ATP2A1: variants seen among roughly 807,000 people sequenced by gnomAD.
ATP2A1 encodes the protein ATPase sarcoplasmic/endoplasmic reticulum Ca2+ transporting 1, also known as sarcoplasmic/endoplasmic reticulum calcium ATPase 1.
In ATP2A1, 83 loss-of-function variants were observed where a neutral mutation model predicts 109.5. The observed-to-expected ratio is 0.76, with a 90% CI of 0.63 to 0.91. The LOEUF is 0.91. Among genes scored for constraint, ATP2A1 ranks in the 40% least tolerant of loss-of-function variants. ATP2A1 has a pLI of 0.00. For synonymous variants in ATP2A1, 505 were observed against 537.6 expected, an observed-to-expected ratio of 0.94 and a Z score of 0.84; for missense variants, 1,101 against 1,341.0, an observed-to-expected ratio of 0.82 and a Z score of 2.80.
intron 4 of ATP2A1, 149 bp downstream of exon 4, chr16:28,881,168 G>A: frequency 1.2e-6 from 1 of 829,850 alleles, no homozygotes; most frequent in Non-Finnish European, 2.0e-6. Context: ...TGGAGTGTGG[G>A]GAAGAGGTGG....
At position 28,900,877 on chromosome 16, in the gene ATP2A1, T is replaced by C. The variant is rs1479069735; in HGVS notation, c.2061T>C (p.Ile687=). The change falls in exon 15 of 23, where the codon ATT becomes ATC. Residue 687 remains isoleucine, a synonymous_variant. Transcript: ENST00000395503. ...ARVEPSHKSK[I]VEYLQSYDEI... is the part of the protein sequence containing the mutation. ...TGGAGCCCTCGCACAAGTCCAAGAT[T>C]GTGGAGTACCTGCAGTCCTACGATG... The C allele has an allele frequency of 6.2e-6, 10 of 1,614,138 alleles. No individual in the cohort carries two copies. The highest frequency in any genetic ancestry group is 8.5e-6 in the Non-Finnish European group (10 of 1,180,020).
chr16:28,902,533 C>A lies in ATP2A1; in HGVS notation c.2525-47C>A, dbSNP rs1479121065. ...CATGAGGCCCTCAACCCTCGATGCC[C>A]CCTATCTCCCCAGCCCTGACCCCCG... On this transcript the variant is annotated intron_variant, in intron 17 of 22. Transcript: ENST00000395503. The surrounding 1 kb of genome is among the most constrained non-coding windows in gnomAD (Gnocchi z 4.8). 6.3e-7 allele frequency: 1 copy of A among 1,596,890 alleles called. No homozygotes were observed. Among genetic ancestry groups the A allele is most frequent in the South Asian group, 1.1e-5 (1 of 89,902 alleles).
At chr16:28,879,435 C>G (rs1367670916) in intron 2 of ATP2A1, 66 bp from the exon 3 acceptor site, 13 of 1,446,548 alleles carry the variant, frequency 9.0e-6, no homozygotes, top group Non-Finnish European at 1.3e-5. Context: ...GAGTCCAGGG[C>G]GCTCCATCCC....
chr16:28,884,751 G>A, intron 6 of ATP2A1, 96 bp downstream of exon 6: 1 of 1,219,674 alleles, frequency 8.2e-7, no homozygotes, highest in Non-Finnish European at 1.1e-6. Flanking sequence ...AACCCTCACT[G>A]TCTGAGCAAC....
intron 2 of ATP2A1, 91 bp downstream of exon 2, chr16:28,879,207 GAGCAAATATCCCTTCCCAAA>G: frequency 7.2e-7 from 1 of 1,393,182 alleles, no homozygotes; most frequent in Non-Finnish European, 9.9e-7. Context: ...TAGATTCTTT[GAGCAAATATCCCTTCCCAAA>G]AGGCAAATCT....
Position 28,898,241 on chromosome 16 carries a change from T to C in ATP2A1, c.1554T>C (p.Pro518=). The change falls in exon 14 of 23, where the codon CCT becomes CCC. Residue 518 remains proline, a synonymous_variant. Transcript: ENST00000395503. The surrounding 1 kb of genome is among the most constrained non-coding windows in gnomAD (Gnocchi z 4.0). ...VGNKMFVKGA[P]EGVIDRCNYV... The stretch of plus-strand genomic sequence containing the variant: ...CTGTTCTGGTCTCCTAGGGTGCCCC[T>C]GAGGGCGTCATCGACCGCTGTAACT... The C allele has an allele frequency of 6.2e-7, 1 of 1,614,186 alleles. No homozygotes were observed. Among genetic ancestry groups the C allele is most frequent in the Non-Finnish European group, 8.5e-7 (1 of 1,180,024 alleles).
Position 28,885,477 on chromosome 16 carries a change from G to A in ATP2A1, c.544+822G>A, listed in dbSNP as rs866179225. On this transcript the variant is annotated intron_variant, in intron 6 of 22. Transcript: ENST00000395503. ...CCCTGCTTCAGCCTCCAGAGTAGCT[G>A]GGATTACAGACGTCCACCATCACAC... Among the ~76,000 whole-genome samples the A allele has an allele frequency of 2.4e-4, 36 of 151,992 alleles. 1 individual carries two copies. Among genetic ancestry groups the A allele is most frequent in the Non-Finnish European group, 4.4e-4 (30 of 67,998 alleles).
Position 28,883,233 on chromosome 16 carries a change from G to A in ATP2A1, c.463+644G>A, listed in dbSNP as rs531352171. 1.4e-4 allele frequency among the ~76,000 whole-genome samples: 22 copies of A among 152,292 alleles called. No individual in the cohort carries two copies. The highest frequency in any genetic ancestry group is 5.1e-4 in the African/African-American group (21 of 41,576). ...ATGTTTGCCCTGAGCAGGCCTTCCC[G>A]AAGCTCCAGGCCCCTGCCAGGGGGA... On this transcript the variant is annotated intron_variant, in intron 5 of 22. Transcript: ENST00000395503. The surrounding 1 kb of genome is among the most constrained non-coding windows in gnomAD (Gnocchi z 5.2).
intron 4 of ATP2A1, 68 bp downstream of exon 4, chr16:28,881,087 TCTC>T (rs1002059489): frequency 1.6e-4 from 230 of 1,467,130 alleles, no homozygotes; most frequent in Non-Finnish European, 2.1e-4. Context: ...CTCCCTCCAG[TCTC>T]CTCCTCCTCC....
At chr16:28,897,875 T>C in intron 12 of ATP2A1, 125 bp from the exon 13 acceptor site, 2 of 1,295,892 alleles carry the variant, frequency 1.5e-6, no homozygotes, top group Non-Finnish European at 2.2e-6. Context: ...TGGGATTTTC[T>C]CCTTTTGTGC....
At chr16:28,897,762 G>A (rs972307462) in intron 12 of ATP2A1, among the ~76,000 whole-genome samples, 4 of 152,146 alleles carry the variant, frequency 2.6e-5, no homozygotes, top group African/African-American at 9.7e-5. Flanking sequence ...GAGCCACCGC[G>A]CCTGGCCAAT....
At chr16:28,891,561 G>T (rs189529253) in intron 9 of ATP2A1, among the ~76,000 whole-genome samples, 2 of 143,526 alleles carry the variant, frequency 1.4e-5, no homozygotes, top group East Asian at 2.0e-4. Context: ...TTGCACTCCA[G>T]CCTGGGCGAC....
chr16:28,894,766 T>A, intron 11 of ATP2A1, 56 bp from the exon 12 acceptor site: 1 of 1,608,336 alleles, frequency 6.2e-7, no homozygotes, highest in Non-Finnish European at 8.5e-7. Flanking sequence ...GGAAGGAGGG[T>A]ATGACAGGTA....
chr16:28,893,259 G>A (rs1231864833), intron 9 of ATP2A1, among the ~76,000 whole-genome samples: 3 of 151,168 alleles, frequency 2.0e-5, no homozygotes, highest in East Asian at 3.9e-4. Flanking sequence ...GAGCAAGAGA[G>A]ACAGGCATGG....
At chr16:28,887,064 T>A in intron 6 of ATP2A1, 125 bp from the exon 7 acceptor site, 67 of 791,974 alleles carry the variant, frequency 8.5e-5, no homozygotes, top group Middle Eastern at 2.5e-4. Context: ...AGTCCAGACA[T>A]CCCCCAGGAT....
chr16:28,890,292 CAAAAAAAAAAAAA>C (rs767608802), intron 9 of ATP2A1, among the ~76,000 whole-genome samples: 2 of 74,388 alleles, frequency 2.7e-5, no homozygotes, highest in Non-Finnish European at 5.6e-5. Flanking sequence ...CCGTCTCTAC[CAAAAAAAAAAAAA>C]AAAAAAAAAA....
intron 15 of ATP2A1, 94 bp downstream of exon 15, chr16:28,901,010 GTAAGAT>G: frequency 6.7e-7 from 1 of 1,502,058 alleles, no homozygotes; most frequent in Non-Finnish European, 9.2e-7. Context: ...GAGGGCCCTG[GTAAGAT>G]GCAAGAAGGG....
In ATP2A1 at chr16:28,894,202, G is replaced by A; in HGVS notation, c.1143G>A (p.Glu381=). The A allele has an allele frequency of 1.9e-6, 3 of 1,613,980 alleles. No individual in the cohort carries two copies. Among genetic ancestry groups the A allele is most frequent in the Non-Finnish European group, 8.5e-7 (1 of 1,179,996 alleles). The part of the protein sequence containing the change: ...KVDGDICLLN[E]FSITGSTYAP... ...ATGGGGACATCTGCCTCCTGAATGAGTTCTCCATCACCGGCTCCACTTACG... is the reference window on the plus strand; with the variant it reads ...ATGGGGACATCTGCCTCCTGAATGAATTCTCCATCACCGGCTCCACTTACG... Residue 381 remains glutamate (E), a synonymous_variant, in exon 10 of 23, where the codon GAG becomes GAA. Transcript: ENST00000395503.
Position 28,900,827 on chromosome 16 carries a change from C to A in ATP2A1, c.2011C>A (p.Arg671=). Reference sequence around the variant, plus strand: ...CCTGGCTGAACAGCGGGAAGCCTGCCGACGTGCCTGCTGCTTCGCCCGTGT... The same window carrying A: ...CCTGGCTGAACAGCGGGAAGCCTGCAGACGTGCCTGCTGCTTCGCCCGTGT... ...LPLAEQREAC[R]RACCFARVEP... is the part of the protein sequence containing the mutation. Residue 671 remains arginine (R), a synonymous_variant, in exon 15 of 23, where the codon CGA becomes AGA. Coordinates refer to ENST00000395503, the MANE Select transcript of ATP2A1 (RefSeq NM_004320.6). 3 of 1,614,180 alleles carry A rather than the reference C, an allele frequency of 1.9e-6. No individual in the cohort carries two copies. Among genetic ancestry groups the A allele is most frequent in the South Asian group, 2.2e-5 (2 of 91,086 alleles).
Sources: gnomAD v4.1 joint callset for allele counts (sites outside exome capture counted in the v4.1 genomes callset) on GRCh38, gnomAD v4.1.1 for gene constraint, Gnocchi (gnomAD v3.1) non-coding constraint, MANE v1.5 for transcripts, NCBI Gene and HGNC (gene_info 2026-07-23, HGNC 2026-07-21) for gene names.